The following LRRC9 variants were observed in gnomAD, a reference collection of about 807,000 sequenced individuals.
LRRC9 encodes the protein leucine rich repeat containing 9.
In LRRC9, 122 loss-of-function variants were observed where a neutral mutation model predicts 63.2. The observed-to-expected ratio is 1.93, with a 90% confidence interval of 1.67 to 2.24. The LOEUF (loss-of-function observed/expected upper bound fraction) is 2.24. Ranked by LOEUF, LRRC9 falls within the 30% of genes most tolerant of loss-of-function variation. The pLI, the probability that LRRC9 is intolerant of heterozygous loss-of-function variation, is 0.00. For synonymous variants in LRRC9, 366 were observed against 213.1 expected (o/e 1.72, Z -6.25); for missense variants, 1,071 against 627.7 (o/e 1.71, Z -7.55).
At chr14:60,025,640 C>T (rs927977732) in intron 27 of LRRC9, among the ~76,000 whole-genome samples, 4 of 148,020 alleles carry the variant, frequency 2.7e-5, no homozygotes, top group Non-Finnish European at 5.9e-5. Context: ...TTAATCTTCA[C>T]AGCAACTCTA....
Position 60,031,274 on chromosome 14 carries a change from C to T in LRRC9, c.3922-721C>T, listed in dbSNP as rs1891970928. ...ATAGGTCTAAATATTTTTACAGTTACTAGAAGAATTTGCTATATGTCCACT... is the reference window on the plus strand; with the variant it reads ...ATAGGTCTAAATATTTTTACAGTTATTAGAAGAATTTGCTATATGTCCACT... On this transcript the variant is annotated intron_variant, in intron 28 of 31. Transcript: ENST00000445360. The surrounding 1 kb of genome is among the most constrained non-coding windows in gnomAD (Gnocchi z 4.6). 6.6e-6 allele frequency among the ~76,000 whole-genome samples: 1 copy of T among 152,024 alleles called. No individual in the cohort carries two copies. Among genetic ancestry groups the T allele is most frequent in the South Asian group, 2.1e-4 (1 of 4,832 alleles).
rs2140291819 is a variant in LRRC9, at chr14:60,022,153, C to A, written c.3567-581C>A. 1.3e-5 allele frequency among the ~76,000 whole-genome samples: 2 copies of A among 151,690 alleles called. 1 individual carries two copies. The highest frequency in any genetic ancestry group is 4.1e-4 in the South Asian group (2 of 4,820). Reference sequence around the variant, plus strand: ...AGAATATTTCTCTATTTATTTAGATCTTTGTTAATTTCTCTCAGTAATGTT... The same window carrying A: ...AGAATATTTCTCTATTTATTTAGATATTTGTTAATTTCTCTCAGTAATGTT... On this transcript the variant is annotated intron_variant, in intron 26 of 31. Transcript: ENST00000445360.
At chr14:60,028,204 T>A in intron 28 of LRRC9, 103 bp downstream of exon 28, 1 of 612,970 alleles carries the variant, frequency 1.6e-6, no homozygotes, top group Non-Finnish European at 2.9e-6. Context: ...GCTAGTATAT[T>A]ATTTATCACC....
chr14:59,970,111 T>C (rs1885314298), intron 12 of LRRC9, among the ~76,000 whole-genome samples: 1 of 151,832 alleles, frequency 6.6e-6, no homozygotes, highest in African/African-American at 2.4e-5. Flanking sequence ...CCTCTCCTTC[T>C]TCCCACCCCC....
chr14:59,944,949 TTAAC>T (rs1401416418), intron 8 of LRRC9, among the ~76,000 whole-genome samples: 1 of 151,846 alleles, frequency 6.6e-6, no homozygotes, highest in African/African-American at 2.4e-5. Context: ...TTCCAGGTAC[TTAAC>T]TAAGCTACAT....
intron 29 of LRRC9, among the ~76,000 whole-genome samples, chr14:60,049,503 T>C (rs1028253253): frequency 6.6e-5 from 10 of 152,226 alleles, no homozygotes; most frequent in Admixed American, 5.9e-4. Context: ...TCATTTCTCC[T>C]TCACTTGTGA....
At chr14:59,965,052 T>C (rs751428035) in intron 10 of LRRC9, among the ~76,000 whole-genome samples, 1 of 152,220 alleles carries the variant, frequency 6.6e-6, no homozygotes, top group Non-Finnish European at 1.5e-5. Flanking sequence ...TGGTTGATTA[T>C]GTAGGTGAGG....
chr14:60,051,991 A>T lies in LRRC9; in HGVS notation c.3991-1074A>T, dbSNP rs1459593717. Among the ~76,000 whole-genome samples the T allele has an allele frequency of 6.6e-6, 1 of 152,142 alleles. No homozygotes were observed. The highest frequency in any genetic ancestry group is 6.6e-5 in the Admixed American group (1 of 15,262). On this transcript the variant is annotated intron_variant, in intron 29 of 31. Coordinates refer to ENST00000445360, the Ensembl canonical transcript of LRRC9. The surrounding 1 kb of genome is among the most constrained non-coding windows in gnomAD (Gnocchi z 4.7). ...CCCACCCTGCTTTTCTTTGTTCCCC[A>T]TGGATCCAGTTGATTGCCTAGTCAG...
intron 29 of LRRC9, among the ~76,000 whole-genome samples, chr14:60,044,797 G>A (rs1043575887): frequency 6.6e-6 from 1 of 152,136 alleles, no homozygotes; most frequent in Non-Finnish European, 1.5e-5. Flanking sequence ...TGTCAGTTAG[G>A]CCTGTTAGAT....
intron 10 of LRRC9, among the ~76,000 whole-genome samples, chr14:59,965,727 CA>C (rs551366767): frequency 6.6e-6 from 1 of 151,156 alleles, no homozygotes; most frequent in Non-Finnish European, 1.5e-5. Context: ...ATTAAAAACA[CA>C]AAAAATTAGC....
chr14:59,955,635 T>C (rs2139937773), intron 8 of LRRC9, among the ~76,000 whole-genome samples: 1 of 152,306 alleles, frequency 6.6e-6, no homozygotes, highest in East Asian at 1.9e-4. Context: ...TTCATGTCTC[T>C]ACCTCCTTCA....
chr14:59,992,515 T>C (rs779157876), intron 17 of LRRC9, among the ~76,000 whole-genome samples: 36 of 151,972 alleles, frequency 2.4e-4, no homozygotes, highest in Non-Finnish European at 4.3e-4. Flanking sequence ...TACTCAGAGC[T>C]AAAGGAGGAA....
chr14:59,970,082 A>T (rs1468448637), intron 12 of LRRC9, among the ~76,000 whole-genome samples: 5 of 152,078 alleles, frequency 3.3e-5, no homozygotes, highest in Non-Finnish European at 5.9e-5. Flanking sequence ...CCTAGTACCC[A>T]TTAGTTATTT....
chr14:59,945,219 T>C (rs1424088411), intron 8 of LRRC9, among the ~76,000 whole-genome samples: 1 of 151,860 alleles, frequency 6.6e-6, no homozygotes, highest in African/African-American at 2.4e-5. Flanking sequence ...AAGCTATATG[T>C]TAGTAGTATG....
At chr14:59,982,096 A>C (rs1384388996) in intron 16 of LRRC9, 36 bp downstream of exon 16, 1 of 666,212 alleles carries the variant, frequency 1.5e-6, no homozygotes, top group Non-Finnish European at 2.7e-6. Flanking sequence ...TGAGACAGGA[A>C]TCTTGAATTT....
chr14:60,061,965 T>C, intron 31 of LRRC9, 46 bp from the exon 32 acceptor site: 2 of 398,450 alleles, frequency 5.0e-6, no homozygotes, highest in Non-Finnish European at 8.9e-6. Flanking sequence ...ATGTTTCTCA[T>C]TGTTTCATAA....
chr14:59,954,897 A>G (rs1471972118), intron 8 of LRRC9, among the ~76,000 whole-genome samples: 1 of 152,170 alleles, frequency 6.6e-6, no homozygotes. Flanking sequence ...GCATCTATTG[A>G]GATAATCATG....
chr14:60,032,115 A>C (rs1279265995), intron 29 of LRRC9, 52 bp downstream of exon 29: 8 of 667,724 alleles, frequency 1.2e-5, no homozygotes, highest in Non-Finnish European at 1.9e-5. Flanking sequence ...TAGTTTTATA[A>C]AATTTATTTT....
Position 59,938,878 on chromosome 14 carries a change from T to C in LRRC9, c.726+306T>C, listed in dbSNP as rs965444801. Among the ~76,000 whole-genome samples the C allele has an allele frequency of 4.1e-5, 6 of 146,968 alleles. No homozygotes were observed. The highest frequency in any genetic ancestry group is 7.5e-5 in the African/African-American group (3 of 39,894). ...AAAATAGACTAGTGCCATATATATA[T>C]ACACACATATATACACATATATATA... On this transcript the variant is annotated intron_variant, in intron 7 of 31. Coordinates refer to ENST00000445360, the Ensembl canonical transcript of LRRC9. This position sits in a 1 kb window ranked among gnomAD's most constrained non-coding sequence, Gnocchi z 4.2.
Sources: allele counts gnomAD v4.1 joint callset (sites outside exome capture counted in the v4.1 genomes callset), GRCh38; gene constraint gnomAD v4.1.1; non-coding constraint Gnocchi (gnomAD v3.1); transcripts MANE v1.5; gene names NCBI Gene and HGNC (gene_info 2026-07-23, HGNC 2026-07-21).